Variants in IQCJ observed in about 807,000 individuals in gnomAD.
IQCJ encodes IQ motif containing J, also known as IQ domain-containing protein J.
IQCJ carries 9 observed loss-of-function variants against 11.0 expected under a neutral mutation model. That is an observed-to-expected ratio of 0.82 (90% CI 0.49 to 1.43). The LOEUF (loss-of-function observed/expected upper bound fraction) is 1.43. Ranked by LOEUF, IQCJ falls within the 40% of genes most tolerant of loss-of-function variation. The pLI, the probability that IQCJ is intolerant of heterozygous loss-of-function variation, is 0.00. For synonymous variants in IQCJ, 55 were observed against 51.3 expected (o/e 1.07, Z -0.31); for missense variants, 146 against 133.2 (o/e 1.10, Z -0.47).
intron 1 of IQCJ, among the ~76,000 whole-genome samples, chr3:159,074,233 G>C (rs1268474753): frequency 1.3e-5 from 2 of 152,064 alleles, no homozygotes; most frequent in Admixed American, 1.3e-4. Context: ...CAGGAGTCAG[G>C]GAGACCAGTA....
intron 1 of IQCJ, among the ~76,000 whole-genome samples, chr3:159,125,842 G>A (rs889786648): frequency 2.6e-5 from 4 of 152,266 alleles, no homozygotes; most frequent in African/African-American, 7.2e-5. Context: ...GACCAACCTG[G>A]GGCACCTCCA....
intron 1 of IQCJ, among the ~76,000 whole-genome samples, chr3:159,124,054 C>G (rs528656915): frequency 6.6e-6 from 1 of 152,236 alleles, no homozygotes; most frequent in South Asian, 2.1e-4. Context: ...TTTCAATGCC[C>G]CACTTGCCTT....
At chr3:159,200,833 A>G (rs913372587) in intron 1 of IQCJ, among the ~76,000 whole-genome samples, 21 of 152,260 alleles carry the variant, frequency 1.4e-4, no homozygotes, top group African/African-American at 4.6e-4. Context: ...TCCTGGACAG[A>G]TGAGGGGAGA....
At chr3:159,170,216 T>G (rs142460585) in intron 1 of IQCJ, among the ~76,000 whole-genome samples, 33 of 152,138 alleles carry the variant, frequency 2.2e-4, no homozygotes, top group Non-Finnish European at 4.3e-4. Flanking sequence ...GAACTCAAGT[T>G]AGGAAGAAAT....
chr3:159,186,702 T>G (rs1723390958), intron 1 of IQCJ, among the ~76,000 whole-genome samples: 1 of 152,250 alleles, frequency 6.6e-6, no homozygotes, highest in Non-Finnish European at 1.5e-5. Flanking sequence ...ACTTTCTTTC[T>G]TCAACATACT....
intron 1 of IQCJ, among the ~76,000 whole-genome samples, chr3:159,143,447 T>G (rs1720743440): frequency 6.6e-6 from 1 of 152,210 alleles, no homozygotes; most frequent in Non-Finnish European, 1.5e-5. Flanking sequence ...TCCTCATCCC[T>G]TCGTTGCTCT....
intron 1 of IQCJ, among the ~76,000 whole-genome samples, chr3:159,080,940 T>G (rs2108057753): frequency 6.6e-6 from 1 of 152,262 alleles, no homozygotes; most frequent in South Asian, 2.1e-4. Context: ...TCAGGTTTAC[T>G]TAGAGCACTC....
chr3:159,116,626 A>G (rs1315543454), intron 1 of IQCJ, among the ~76,000 whole-genome samples: 8 of 19,810 alleles, frequency 4.0e-4, no homozygotes, highest in Admixed American at 2.2e-3. Context: ...ATATATATAT[A>G]TATATATATA....
At chr3:159,168,777 T>G (rs187190419) in intron 1 of IQCJ, among the ~76,000 whole-genome samples, 13 of 152,054 alleles carry the variant, frequency 8.5e-5, no homozygotes, top group Admixed American at 5.9e-4. Flanking sequence ...TGGTTTCTAC[T>G]CTTGAAACAA....
At chr3:159,223,213 G>A (rs2108124603) in intron 1 of IQCJ, among the ~76,000 whole-genome samples, 1 of 152,194 alleles carries the variant, frequency 6.6e-6, no homozygotes, top group Admixed American at 6.5e-5. Flanking sequence ...TGATGAGAGA[G>A]ATGTGAGCCT....
At chr3:159,160,371 C>T (rs936768195) in intron 1 of IQCJ, among the ~76,000 whole-genome samples, 6 of 151,116 alleles carry the variant, frequency 4.0e-5, no homozygotes, top group Non-Finnish European at 8.9e-5. Flanking sequence ...GGTGTGATCT[C>T]GGCTCACTGC....
chr3:159,072,491 T>C (rs1054742693), intron 1 of IQCJ, among the ~76,000 whole-genome samples: 1 of 152,036 alleles, frequency 6.6e-6, no homozygotes, highest in Non-Finnish European at 1.5e-5. Flanking sequence ...TTAAAAAAAA[T>C]TACAGAGTTG....
chr3:159,189,090 A>G (rs1465210921), intron 1 of IQCJ, among the ~76,000 whole-genome samples: 12 of 152,146 alleles, frequency 7.9e-5, no homozygotes, highest in Admixed American at 7.2e-4. Flanking sequence ...GTAAGGTTCC[A>G]CATTATGGGG....
chr3:159,261,313 C>T (rs562391904), intron 3 of IQCJ, among the ~76,000 whole-genome samples: 4 of 152,234 alleles, frequency 2.6e-5, no homozygotes, highest in South Asian at 4.2e-4. Context: ...TGTTAACTCC[C>T]AGAAGAGGTT....
intron 1 of IQCJ, among the ~76,000 whole-genome samples, chr3:159,216,601 C>A (rs1383161834): frequency 2.6e-5 from 4 of 152,118 alleles, no homozygotes; most frequent in Non-Finnish European, 5.9e-5. Flanking sequence ...CATTATGGTG[C>A]CCTTTGTTTC....
intron 1 of IQCJ, among the ~76,000 whole-genome samples, chr3:159,140,946 C>T (rs1560000427): frequency 1.3e-5 from 2 of 152,180 alleles, no homozygotes; most frequent in South Asian, 2.1e-4. Context: ...AAGGAAGCTG[C>T]TTTCTGTCCA....
At chr3:159,072,746 C>G (rs9857750) in intron 1 of IQCJ, among the ~76,000 whole-genome samples, 8,689 of 151,960 alleles carry the variant, frequency 0.057, 778 homozygotes, top group African/African-American at 0.2. Flanking sequence ...TATTAATATC[C>G]ACATTCTACT....
At chr3:159,163,318 A>G (rs1485233412) in intron 1 of IQCJ, among the ~76,000 whole-genome samples, 1 of 152,232 alleles carries the variant, frequency 6.6e-6, no homozygotes, top group Non-Finnish European at 1.5e-5. Context: ...ACCAAAGACA[A>G]AAACCACATG....
intron 1 of IQCJ, among the ~76,000 whole-genome samples, chr3:159,164,777 A>C (rs1423577493): frequency 6.6e-6 from 1 of 152,148 alleles, no homozygotes; most frequent in Non-Finnish European, 1.5e-5. Context: ...CCTCCCCCCC[A>C]AAAAAGAGGT....
Sources: allele counts gnomAD v4.1 joint callset (sites outside exome capture counted in the v4.1 genomes callset), GRCh38; gene constraint gnomAD v4.1.1; transcripts MANE v1.5; gene names NCBI Gene and HGNC (gene_info 2026-07-23, HGNC 2026-07-21).